The following CDCA7 variants were observed in gnomAD, a reference collection of about 807,000 sequenced individuals.
CDCA7 encodes the protein cell division cycle associated 7.
Under a neutral mutation model 54.0 loss-of-function variants are expected in CDCA7, and 28 were observed. The ratio of observed to expected loss-of-function variants is 0.52; its 90% CI spans 0.38 to 0.71. The LOEUF (loss-of-function observed/expected upper bound fraction) is 0.71. Among genes scored for constraint, CDCA7 ranks in the 30% least tolerant of loss-of-function variants. The probability of loss-of-function intolerance (pLI) is 0.00; values close to 1 mark genes in which losing one functional copy is unlikely to be tolerated. For missense variants in CDCA7, 484 were observed against 586.0 expected (o/e 0.83, Z 1.80); for synonymous variants, 180 against 208.2 (o/e 0.86, Z 1.16).
Position 173,364,919 on chromosome 2 carries a change from T to C in CDCA7, c.824T>C (p.Met275Thr), listed in dbSNP as rs1029961208. The change falls in exon 6 of 10, where the codon ATG becomes ACG. Residue 275 changes from methionine to threonine, a missense_variant. By Grantham distance (81) the Met-to-Thr change is moderately conservative. Around this residue, in one of 3 missense-constraint regions of CDCA7, gnomAD observed 398 missense variants for 447.4 expected, o/e 0.89. Transcript: ENST00000306721. ...CTCGGGTCCCTTGACGCTCTACCCA[T>C]GGAGGAGGAGGAGGAAGAGGATAAG... is the stretch of plus-strand genomic sequence containing the variant. ...RILGSLDALP[M>T]EEEEEEDKYM... 1.9e-6 allele frequency: 3 copies of C among 1,608,762 alleles called. No homozygotes were observed. The highest frequency in any genetic ancestry group is 2.5e-6 in the Non-Finnish European group (3 of 1,178,348).
intron 6 of CDCA7, 34 bp downstream of exon 6, chr2:173,365,023 T>G (rs748552199): frequency 6.5e-7 from 1 of 1,529,400 alleles, no homozygotes; most frequent in Non-Finnish European, 8.7e-7. Context: ...GCTCTTCTGA[T>G]TCTCATCTTC....
At chr2:173,361,617 AT>A (rs1450613274) in intron 3 of CDCA7, among the ~76,000 whole-genome samples, 8 of 151,632 alleles carry the variant, frequency 5.3e-5, no homozygotes, top group Non-Finnish European at 1.2e-4. Context: ...CACCTGGCTA[AT>A]TTTTTATATT....
intron 5 of CDCA7, chr2:173,364,172 T>C (rs1025074494): frequency 2.9e-5 from 9 of 305,972 alleles, no homozygotes; most frequent in South Asian, 1.1e-4. Flanking sequence ...GTAATGAAGA[T>C]TGAAAACTTT....
intron 3 of CDCA7, among the ~76,000 whole-genome samples, chr2:173,361,502 C>T (rs1171521417): frequency 6.9e-6 from 1 of 144,108 alleles, no homozygotes; most frequent in Non-Finnish European, 1.5e-5. Flanking sequence ...CCCAGGCTGG[C>T]GTACAGTGGC....
chr2:173,362,384 A>G (rs1319536861), intron 3 of CDCA7, among the ~76,000 whole-genome samples: 1 of 152,150 alleles, frequency 6.6e-6, no homozygotes, highest in Non-Finnish European at 1.5e-5. Flanking sequence ...CTGGAGATGG[A>G]TGGTGGTGAT....
At chr2:173,357,819 G>T (rs534891410) in intron 1 of CDCA7, among the ~76,000 whole-genome samples, 1 of 152,272 alleles carries the variant, frequency 6.6e-6, no homozygotes, top group Non-Finnish European at 1.5e-5. Flanking sequence ...GGCTCATAAA[G>T]GTGGGTTGAG....
In CDCA7 at chr2:173,365,579, A is replaced by G. The variant is rs1686704876; in HGVS notation, c.1022A>G (p.Tyr341Cys). The stretch of plus-strand genomic sequence containing the variant: ...TGCAGCAATTCTCGAGAGAAGATAT[A>G]TAACCGTTCACTGGTGAGAGCCTCT... Reference protein sequence around the residue: ...NVCSNSREKIYNRSLGSTCHQ... With the variant: ...NVCSNSREKICNRSLGSTCHQ... Residue 341 changes from tyrosine (Y) to cysteine (C), a missense_variant, in exon 7 of 10, where the codon TAT becomes TGT. This residue lies in a region of CDCA7 where 398 missense variants were observed against 447.4 expected (regional missense o/e 0.89). Transcript: ENST00000306721. The G allele has an allele frequency of 1.9e-6, 3 of 1,614,098 alleles. No individual in the cohort carries two copies. Among genetic ancestry groups the G allele is most frequent in the Non-Finnish European group, 2.5e-6 (3 of 1,180,014 alleles).
rs1384121650 is a variant in CDCA7, at chr2:173,366,112, A to C, written c.1036-171A>C. On this transcript the variant is annotated intron_variant, in intron 7 of 9. Coordinates refer to ENST00000306721, the MANE Select transcript of CDCA7 (RefSeq NM_031942.5). This position sits in a 1 kb window ranked among gnomAD's most constrained non-coding sequence, Gnocchi z 4.5. ...AATGCTGGGGTTACAGGTGTGAGCC[A>C]CTGCACCTGGTTGAGTTATTTTTCA... Among the ~76,000 whole-genome samples the C allele has an allele frequency of 6.6e-6, 1 of 152,192 alleles. No individual in the cohort carries two copies. Among genetic ancestry groups the C allele is most frequent in the Non-Finnish European group, 1.5e-5 (1 of 68,030 alleles).
chr2:173,358,554 T>C (rs1411998977), intron 1 of CDCA7, 158 bp from the exon 2 acceptor site: 2 of 729,402 alleles, frequency 2.7e-6, no homozygotes, highest in East Asian at 6.3e-5. Context: ...AAGAAAAAAT[T>C]TTTTGTAGCA....
intron 5 of CDCA7, chr2:173,364,343 A>T (rs1686677967): frequency 6.1e-6 from 1 of 165,224 alleles, no homozygotes; most frequent in Non-Finnish European, 1.3e-5. Flanking sequence ...AGGTGGTACA[A>T]CTTAGGGAGA....
At chr2:173,355,540 C>G (rs994908053) in intron 1 of CDCA7, among the ~76,000 whole-genome samples, 1 of 152,238 alleles carries the variant, frequency 6.6e-6, no homozygotes, top group African/African-American at 2.4e-5. Context: ...TCTCCTAGAA[C>G]TTGGGCTGCG....
At chr2:173,357,244 T>C (rs1686524531) in intron 1 of CDCA7, among the ~76,000 whole-genome samples, 1 of 152,232 alleles carries the variant, frequency 6.6e-6, no homozygotes, top group African/African-American at 2.4e-5. Flanking sequence ...CTGAGAGCAG[T>C]GCCAGGCTGT....
In CDCA7 at chr2:173,364,893, C is replaced by T; in HGVS notation, c.798C>T (p.Ile266=). Residue 266 remains isoleucine, a synonymous_variant, in exon 6 of 10, where the codon ATC becomes ATT. Coordinates refer to ENST00000306721, the MANE Select transcript of CDCA7 (RefSeq NM_031942.5). Reference sequence around the variant, plus strand: ...CTCTTACCAGGTCAAGGTCCCGGATCCTCGGGTCCCTTGACGCTCTACCCA... The same window carrying T: ...CTCTTACCAGGTCAAGGTCCCGGATTCTCGGGTCCCTTGACGCTCTACCCA... ...ARPLTRSRSR[I]LGSLDALPME... is the part of the protein sequence containing the mutation. The T allele has an allele frequency of 6.2e-7, 1 of 1,609,828 alleles. No homozygotes were observed. The highest frequency in any genetic ancestry group is 1.3e-5 in the African/African-American group (1 of 74,752).
At chr2:173,358,511 C>T (rs1294634592) in intron 1 of CDCA7, 9 of 464,924 alleles carry the variant, frequency 1.9e-5, no homozygotes, top group Admixed American at 1.2e-4. Flanking sequence ...GCCTGGAAGA[C>T]AGAGCGAGAT....
At chr2:173,355,903 C>T (rs1035656885) in intron 1 of CDCA7, among the ~76,000 whole-genome samples, 1 of 152,044 alleles carries the variant, frequency 6.6e-6, no homozygotes, top group African/African-American at 2.4e-5. Flanking sequence ...GAGTCGCCGC[C>T]CCGGTGGAGC....
intron 1 of CDCA7, among the ~76,000 whole-genome samples, chr2:173,355,377 C>T (rs981078241): frequency 1.3e-5 from 2 of 152,162 alleles, no homozygotes; most frequent in East Asian, 3.9e-4. Context: ...CCAGCCCTTT[C>T]CCGCACACAA....
intron 9 of CDCA7, 63 bp from the exon 10 acceptor site, chr2:173,367,571 T>C: frequency 3.1e-6 from 5 of 1,589,302 alleles, no homozygotes; most frequent in Non-Finnish European, 4.3e-6. Flanking sequence ...TGAATTAGGC[T>C]TTCAAAAGAG....
At chr2:173,365,655 C>T (rs1373900128) in intron 7 of CDCA7, 63 bp downstream of exon 7, 1 of 1,561,372 alleles carries the variant, frequency 6.4e-7, no homozygotes, top group Non-Finnish European at 8.7e-7. Flanking sequence ...AGCTTCTGTC[C>T]CTAAGCGTTG....
chr2:173,362,325 C>T (rs1686636651), intron 3 of CDCA7, among the ~76,000 whole-genome samples: 2 of 152,062 alleles, frequency 1.3e-5, no homozygotes, highest in Admixed American at 6.5e-5. Flanking sequence ...TGAGGAATTA[C>T]TGTTTAATGG....
Sources: gnomAD v4.1 joint callset for allele counts (sites outside exome capture counted in the v4.1 genomes callset) on GRCh38, gnomAD v4.1.1 for gene constraint, gnomAD v4.1.1 regional missense constraint, Gnocchi (gnomAD v3.1) non-coding constraint, MANE v1.5 for transcripts, NCBI Gene and HGNC (gene_info 2026-07-23, HGNC 2026-07-21) for gene names.